The following TLE1 variants were observed in gnomAD, a reference collection of about 807,000 sequenced individuals.
TLE1 encodes transducin-like enhancer protein 1.
A neutral mutation model predicts 89.8 loss-of-function variants in TLE1; 21 were observed. The ratio of observed to expected loss-of-function variants is 0.23; its 90% CI spans 0.17 to 0.34. The LOEUF (loss-of-function observed/expected upper bound fraction) is 0.34. Among genes scored for constraint, TLE1 ranks in the 10% least tolerant of loss-of-function variants. The pLI, the probability that TLE1 is intolerant of heterozygous loss-of-function variation, is 1.00. For missense variants in TLE1, 795 were observed against 1,031.2 expected (o/e 0.77, Z 3.14); for synonymous variants, 447 against 407.6 (o/e 1.10, Z -1.16).
intron 14 of TLE1, among the ~76,000 whole-genome samples, chr9:81,599,441 G>A (rs1830631425): frequency 6.6e-6 from 1 of 152,146 alleles, no homozygotes; most frequent in East Asian, 1.9e-4. Flanking sequence ...TCGACATCGT[G>A]AGTGTGACTG....
At chr9:81,600,577 T>G (rs1219979020) in intron 14 of TLE1, among the ~76,000 whole-genome samples, 1 of 148,084 alleles carries the variant, frequency 6.8e-6, no homozygotes, top group African/African-American at 2.5e-5. Context: ...AATACCCACA[T>G]GGCAATAATA....
intron 14 of TLE1, among the ~76,000 whole-genome samples, chr9:81,595,593 C>T (rs1045235545): frequency 9.2e-5 from 14 of 152,102 alleles, no homozygotes; most frequent in Middle Eastern, 3.4e-3. Flanking sequence ...CCAAGGCGGG[C>T]GGATCACGAG....
intron 6 of TLE1, among the ~76,000 whole-genome samples, chr9:81,651,967 T>G (rs946918447): frequency 1.4e-5 from 2 of 143,284 alleles, no homozygotes; most frequent in Non-Finnish European, 3.0e-5. Context: ...TTTTTTTAAT[T>G]AATAGATTTT....
At chr9:81,591,139 G>C in intron 15 of TLE1, 87 bp from the exon 16 acceptor site, 1 of 1,527,668 alleles carries the variant, frequency 6.5e-7, no homozygotes, top group Admixed American at 1.8e-5. Flanking sequence ...GGTTTTTTGA[G>C]TTAAGAGTGG....
intron 8 of TLE1, among the ~76,000 whole-genome samples, chr9:81,625,174 T>C (rs901518781): frequency 6.6e-6 from 1 of 152,080 alleles, no homozygotes; most frequent in Non-Finnish European, 1.5e-5. Flanking sequence ...GACTGGACTC[T>C]CTCTCTCACG....
At chr9:81,596,391 G>A (rs1002659156) in intron 14 of TLE1, among the ~76,000 whole-genome samples, 9 of 152,076 alleles carry the variant, frequency 5.9e-5, no homozygotes, top group African/African-American at 9.7e-5. Flanking sequence ...AAATGAACAC[G>A]CCAGAGCAAC....
At chr9:81,600,572 C>A (rs1367004851) in intron 14 of TLE1, among the ~76,000 whole-genome samples, 1 of 151,306 alleles carries the variant, frequency 6.6e-6, no homozygotes, top group Non-Finnish European at 1.5e-5. Context: ...AAACTAATAC[C>A]CACATGGCAA....
At chr9:81,674,465 T>G (rs1832636039) in intron 4 of TLE1, among the ~76,000 whole-genome samples, 1 of 152,064 alleles carries the variant, frequency 6.6e-6, no homozygotes, top group Admixed American at 6.6e-5. Context: ...TTGTTTCTGG[T>G]CCTTACCCCC....
intron 14 of TLE1, among the ~76,000 whole-genome samples, chr9:81,599,162 T>C (rs1056732020): frequency 2.1e-4 from 32 of 152,282 alleles, no homozygotes; most frequent in African/African-American, 7.7e-4. Context: ...CAACCTTTGT[T>C]TGCCACATCA....
At chr9:81,599,563 A>C (rs1234212900) in intron 14 of TLE1, among the ~76,000 whole-genome samples, 1 of 152,200 alleles carries the variant, frequency 6.6e-6, no homozygotes, top group African/African-American at 2.4e-5. Context: ...TGGGAGGAAT[A>C]GTGACATGGG....
intron 6 of TLE1, among the ~76,000 whole-genome samples, chr9:81,638,254 C>T (rs955079076): frequency 2.6e-5 from 4 of 152,200 alleles, no homozygotes; most frequent in African/African-American, 9.7e-5. Flanking sequence ...TCCCTTGCCC[C>T]CAGCTCTCTT....
At chr9:81,639,878 C>T (rs1013225011) in intron 6 of TLE1, among the ~76,000 whole-genome samples, 8 of 152,054 alleles carry the variant, frequency 5.3e-5, no homozygotes, top group Admixed American at 1.3e-4. Flanking sequence ...TGAACCACCG[C>T]GCCCAGCTGA....
chr9:81,643,775 A>G (rs1039734504), intron 6 of TLE1, among the ~76,000 whole-genome samples: 1 of 152,106 alleles, frequency 6.6e-6, no homozygotes, highest in African/African-American at 2.4e-5. Flanking sequence ...AGCTCAAGCA[A>G]TCCTCCTGCC....
chr9:81,653,668 T>TA (rs1228456435), intron 5 of TLE1, among the ~76,000 whole-genome samples: 1 of 152,194 alleles, frequency 6.6e-6, no homozygotes, highest in African/African-American at 2.4e-5. Flanking sequence ...TTAAAAGATA[T>TA]AAAAGACACC....
At chr9:81,614,654 G>A (rs1345388432) in intron 11 of TLE1, among the ~76,000 whole-genome samples, 1 of 152,108 alleles carries the variant, frequency 6.6e-6, no homozygotes, top group African/African-American at 2.4e-5. Context: ...ACCAGGTAAG[G>A]ATTAACTGAA....
rs1823610981 is a variant in TLE1 at position 81,610,776 on chromosome 9, AG to A, written c.1255-481del. Among the ~76,000 whole-genome samples the A allele has an allele frequency of 2.0e-5, 3 of 150,368 alleles. No individual in the cohort carries two copies. In the East Asian group the frequency reaches 5.9e-4, roughly 30 times the overall value. On this transcript the variant is annotated intron_variant, in intron 13 of 19. Transcript: ENST00000376499. ...CCCACCCCCAGTTATGATAATCAAAAGTGTCTCCAGATATTATCAAATGTCC... is the reference window on the plus strand; with the variant it reads ...CCCACCCCCAGTTATGATAATCAAAATGTCTCCAGATATTATCAAATGTCC...
intron 4 of TLE1, among the ~76,000 whole-genome samples, chr9:81,681,055 A>G (rs1052044564): frequency 2.0e-5 from 3 of 152,216 alleles, no homozygotes; most frequent in African/African-American, 4.8e-5. Context: ...AAAACCCACT[A>G]AAGAACAACG....
chr9:81,621,313 T>A (rs779385502), intron 8 of TLE1, among the ~76,000 whole-genome samples: 4 of 152,208 alleles, frequency 2.6e-5, no homozygotes, highest in African/African-American at 7.2e-5. Context: ...TGGGGTCACA[T>A]GACATGATCT....
intron 4 of TLE1, among the ~76,000 whole-genome samples, chr9:81,674,448 T>C (rs1235057924): frequency 1.3e-5 from 2 of 152,152 alleles, no homozygotes; most frequent in East Asian, 3.9e-4. Context: ...GGGTCCTCAA[T>C]GAGGTTTTGT....
Sources: allele counts gnomAD v4.1 joint callset (sites outside exome capture counted in the v4.1 genomes callset), GRCh38; gene constraint gnomAD v4.1.1; transcripts MANE v1.5; gene names NCBI Gene and HGNC (gene_info 2026-07-23, HGNC 2026-07-21).